The following DLG2 variants were observed in gnomAD, a reference collection of about 807,000 sequenced individuals.
The protein encoded by DLG2 is discs large MAGUK scaffold protein 2.
In DLG2, 45 loss-of-function variants were observed where a neutral mutation model predicts 132.5. The ratio of observed to expected loss-of-function variants is 0.34; its 90% confidence interval spans 0.27 to 0.44. The LOEUF is 0.44. DLG2 is among the 20% of genes least tolerant of loss of function. DLG2 has a pLI of 1.00. For missense variants in DLG2, 1,045 were observed against 1,196.9 expected (o/e 0.87, Z 1.87); for synonymous variants, 424 against 419.6 (o/e 1.01, Z -0.13).
chr11:84,362,960 C>A (rs1159952453), intron 7 of DLG2, among the ~76,000 whole-genome samples: 3 of 151,996 alleles, frequency 2.0e-5, no homozygotes, highest in Non-Finnish European at 2.9e-5. Flanking sequence ...AATAGTGCTG[C>A]AATAAACATA....
chr11:85,520,162 G>A (rs569797136), intron 3 of DLG2, among the ~76,000 whole-genome samples: 4 of 152,008 alleles, frequency 2.6e-5, no homozygotes, highest in Admixed American at 1.3e-4. Context: ...TTACAGGCAT[G>A]AGCCACTCCA....
At chr11:83,780,082 G>A (rs751182421) in intron 18 of DLG2, among the ~76,000 whole-genome samples, 3 of 152,178 alleles carry the variant, frequency 2.0e-5, no homozygotes, top group African/African-American at 7.2e-5. Flanking sequence ...ATGCAGTTAC[G>A]TGAGTTGGGA....
chr11:85,159,338 G>A (rs1177386789), intron 4 of DLG2, among the ~76,000 whole-genome samples: 1 of 152,196 alleles, frequency 6.6e-6, no homozygotes, highest in African/African-American at 2.4e-5. Context: ...TTGCAAGCTG[G>A]CAGAACCTCC....
At chr11:84,527,535 T>C (rs950973213) in intron 7 of DLG2, among the ~76,000 whole-genome samples, 7 of 152,196 alleles carry the variant, frequency 4.6e-5, no homozygotes, top group Non-Finnish European at 1.0e-4. Flanking sequence ...ATACTCCTAA[T>C]TTCCAGCAAA....
At chr11:84,273,306 GAAAAAA>G (rs752762450) in intron 7 of DLG2, 145 of 786,240 alleles carry the variant, frequency 1.8e-4, no homozygotes, top group East Asian at 1.3e-3. Flanking sequence ...AGTTGAAGAG[GAAAAAA>G]AAAAAAAAAA....
intron 7 of DLG2, among the ~76,000 whole-genome samples, chr11:84,455,730 G>A (rs548201080): frequency 2.6e-5 from 4 of 151,406 alleles, no homozygotes; most frequent in South Asian, 2.1e-4. Flanking sequence ...AGGCATAGCC[G>A]CTATTTGAAA....
At chr11:85,198,060 T>C (rs2081193610) in intron 4 of DLG2, among the ~76,000 whole-genome samples, 1 of 152,014 alleles carries the variant, frequency 6.6e-6, no homozygotes, top group Non-Finnish European at 1.5e-5. Flanking sequence ...GGGACCAAAC[T>C]TATTAGACGC....
At chr11:83,964,077 ATCT>A (rs754417767) in intron 13 of DLG2, among the ~76,000 whole-genome samples, 24 of 151,950 alleles carry the variant, frequency 1.6e-4, no homozygotes, top group Non-Finnish European at 2.9e-4. Context: ...CCATGATTCT[ATCT>A]CCTCTGCATC....
At chr11:84,997,286 G>A (rs1445807480) in intron 6 of DLG2, 1 of 152,268 alleles carries the variant, frequency 6.6e-6, no homozygotes, top group Non-Finnish European at 1.5e-5. Context: ...CACTCTTGCA[G>A]ACATTTCAAA....
chr11:84,367,874 T>G (rs1056096801), intron 7 of DLG2, among the ~76,000 whole-genome samples: 10 of 152,154 alleles, frequency 6.6e-5, no homozygotes, highest in Admixed American at 6.6e-4. Context: ...GAAAATGGAC[T>G]AAGACACTGT....
rs956932433 is a variant in DLG2 at position 83,624,747 on chromosome 11, C to T, written c.1940+8464G>A. Among the ~76,000 whole-genome samples, 53 of 152,162 alleles carry T rather than the reference C, an allele frequency of 3.5e-4. 1 individual carries two copies. The highest frequency in any genetic ancestry group is 1.2e-3 in the Admixed American group (18 of 15,280). On this transcript the variant is annotated intron_variant, in intron 19 of 27. Transcript: ENST00000376104. ...GTTTTAGCAAACAATAAGCTATGCA[C>T]GACTATCATTATCCATAACGATAAG...
At chr11:84,827,129 A>G (rs2078426028) in intron 6 of DLG2, among the ~76,000 whole-genome samples, 1 of 151,854 alleles carries the variant, frequency 6.6e-6, no homozygotes, top group Admixed American at 6.6e-5. Flanking sequence ...TAGTTGAGGA[A>G]AATGGAAATG....
chr11:84,430,304 T>C (rs535171825), intron 7 of DLG2, among the ~76,000 whole-genome samples: 2 of 151,594 alleles, frequency 1.3e-5, no homozygotes, highest in Admixed American at 1.3e-4. Context: ...CTGAGCTTGG[T>C]GGTGGGTGCC....
At chr11:84,365,398 TC>T (rs2098675835) in intron 7 of DLG2, among the ~76,000 whole-genome samples, 1 of 152,126 alleles carries the variant, frequency 6.6e-6, no homozygotes, top group African/African-American at 2.4e-5. Flanking sequence ...TTGATTCTTC[TC>T]TCTTTTTTTT....
At chr11:84,814,099 C>T (rs927012207) in intron 6 of DLG2, among the ~76,000 whole-genome samples, 1 of 152,014 alleles carries the variant, frequency 6.6e-6, no homozygotes, top group African/African-American at 2.4e-5. Context: ...GTGGCTTTAG[C>T]GAAATGCGCT....
intron 6 of DLG2, among the ~76,000 whole-genome samples, chr11:84,735,118 G>T (rs2063660825): frequency 6.6e-6 from 1 of 152,012 alleles, no homozygotes; most frequent in Admixed American, 6.6e-5. Flanking sequence ...TTCTGTCTCT[G>T]CCATGCTTTG....
intron 5 of DLG2, among the ~76,000 whole-genome samples, chr11:85,126,245 A>G (rs533992778): frequency 2.3e-4 from 35 of 152,332 alleles, no homozygotes; most frequent in African/African-American, 7.9e-4. Flanking sequence ...TGTAAAATAC[A>G]AGGTATAATG....
intron 11 of DLG2, among the ~76,000 whole-genome samples, chr11:84,042,707 A>G (rs952291192): frequency 6.6e-6 from 1 of 151,900 alleles, no homozygotes; most frequent in Non-Finnish European, 1.5e-5. Flanking sequence ...GCAACCATAA[A>G]AAGGAATGAG....
chr11:83,585,408 C>G (rs558211), intron 19 of DLG2, among the ~76,000 whole-genome samples: 109,734 of 152,012 alleles, frequency 0.72, 40,314 homozygotes, highest in African/African-American at 0.86. Flanking sequence ...TGTGTAGCTT[C>G]TCTATAGGTG....
Sources: allele counts gnomAD v4.1 joint callset (sites outside exome capture counted in the v4.1 genomes callset), GRCh38; gene constraint gnomAD v4.1.1; transcripts MANE v1.5; gene names NCBI Gene and HGNC (gene_info 2026-07-23, HGNC 2026-07-21).